The following RABGAP1L variants were observed in gnomAD, a reference collection of about 807,000 sequenced individuals.
RABGAP1L encodes RAB GTPase activating protein 1 like.
Under a neutral mutation model 137.7 loss-of-function variants are expected in RABGAP1L, and 63 were observed. The observed-to-expected ratio is 0.46, with a 90% CI of 0.37 to 0.56. The LOEUF (loss-of-function observed/expected upper bound fraction) is 0.56. RABGAP1L is among the 20% of genes least tolerant of loss of function. The pLI is 0.00. For synonymous variants in RABGAP1L, 431 were observed against 433.7 expected (o/e 0.99, Z 0.08); for missense variants, 1,095 against 1,244.0 (o/e 0.88, Z 1.80).
chr1:174,475,873 C>T (rs1285560985), intron 13 of RABGAP1L, among the ~76,000 whole-genome samples: 2 of 149,736 alleles, frequency 1.3e-5, no homozygotes, highest in Admixed American at 6.7e-5. Flanking sequence ...AACCTAAATT[C>T]GCAATGTTAG....
Position 174,615,541 on chromosome 1 carries a change from G to A in RABGAP1L, c.1711-21834G>A, listed in dbSNP as rs376358123. On this transcript the variant is annotated intron_variant, in intron 13 of 25. Coordinates refer to ENST00000681986, the MANE Select transcript of RABGAP1L (RefSeq NM_001366446.1). ...GGGGTCAGGGGTCAGGGACCCAATTGAGGAGGCATTCTGTCCATTCTCAGA... is the reference window on the plus strand; with the variant it reads ...GGGGTCAGGGGTCAGGGACCCAATTAAGGAGGCATTCTGTCCATTCTCAGA... Among the ~76,000 whole-genome samples, 8 of 152,326 alleles carry A rather than the reference G, an allele frequency of 5.3e-5. No homozygotes were observed. In the East Asian group the frequency reaches 1.5e-3, roughly 29 times the overall value.
At chr1:174,516,215 G>T (rs1572133071) in intron 13 of RABGAP1L, among the ~76,000 whole-genome samples, 1 of 150,336 alleles carries the variant, frequency 6.7e-6, no homozygotes, top group East Asian at 2.0e-4. Flanking sequence ...GTGCAGAGTG[G>T]CACAATCACA....
chr1:174,448,748 G>T lies in RABGAP1L; in HGVS notation c.1710+54603G>T. On this transcript the variant is annotated intron_variant, in intron 13 of 25. Transcript: ENST00000681986. The surrounding 1 kb of genome is among the most constrained non-coding windows in gnomAD (Gnocchi z 4.2). ...TGGCTTTATTGTTTGTTTACTTTAT[G>T]CTCCTGCTGCCTTTGTTGTCTGCTT... 1 of 1,613,714 alleles carries T rather than the reference G, an allele frequency of 6.2e-7. No homozygotes were observed. Among genetic ancestry groups the T allele is most frequent in the Admixed American group, 1.7e-5 (1 of 59,966 alleles).
Position 174,826,513 on chromosome 1 carries a change from C to T in RABGAP1L, c.2340+14553C>T, listed in dbSNP as rs1006306292. Among the ~76,000 whole-genome samples, 140 of 152,260 alleles carry T rather than the reference C, an allele frequency of 9.2e-4. 1 individual carries two copies. The highest frequency in any genetic ancestry group is 2.6e-3 in the African/African-American group (106 of 41,562). ...CTGAGATTACAAGCGTGAGCCACCA[C>T]GCCCGGCCACCACATTTTCTTTATC... On this transcript the variant is annotated intron_variant, in intron 19 of 25. Transcript: ENST00000681986.
intron 1 of RABGAP1L, among the ~76,000 whole-genome samples, chr1:174,187,145 C>G (rs1351076261): frequency 6.6e-6 from 1 of 152,094 alleles, no homozygotes; most frequent in African/African-American, 2.4e-5. Flanking sequence ...GGTCTCTTCT[C>G]AAATGTTCTG....
intron 12 of RABGAP1L, among the ~76,000 whole-genome samples, chr1:174,381,677 G>A (rs1400194892): frequency 2.5e-5 from 3 of 118,626 alleles, no homozygotes; most frequent in Admixed American, 1.6e-4. Context: ...TTGAGCCTAT[G>A]TATGTCTCTG....
intron 17 of RABGAP1L, among the ~76,000 whole-genome samples, chr1:174,728,901 A>C (rs547700421): frequency 6.6e-6 from 1 of 152,230 alleles, no homozygotes; most frequent in South Asian, 2.1e-4. Context: ...TCAGCCTCCC[A>C]AAATACTGGG....
At chr1:174,625,686 G>A (rs530023102) in intron 13 of RABGAP1L, among the ~76,000 whole-genome samples, 26 of 152,330 alleles carry the variant, frequency 1.7e-4, no homozygotes, top group Admixed American at 9.1e-4. Flanking sequence ...GATTGAGGAA[G>A]TGGTAGAATG....
chr1:174,257,070 C>T (rs574564270), intron 7 of RABGAP1L, among the ~76,000 whole-genome samples: 2 of 152,116 alleles, frequency 1.3e-5, no homozygotes, highest in Non-Finnish European at 2.9e-5. Flanking sequence ...ATATAATTGA[C>T]TGAAGTACCT....
At chr1:174,892,363 G>T in intron 19 of RABGAP1L, 1 of 362,824 alleles carries the variant, frequency 2.8e-6, no homozygotes, top group East Asian at 7.9e-5. Flanking sequence ...GAGAGTCAGA[G>T]GGAGAAATTA....
At chr1:174,637,252 G>T (rs1412745131) in intron 13 of RABGAP1L, 123 bp from the exon 14 acceptor site, 1 of 659,630 alleles carries the variant, frequency 1.5e-6, no homozygotes, top group Non-Finnish European at 2.6e-6. Flanking sequence ...GGATAGAAGG[G>T]AAGTTTTTAT....
At chr1:174,723,613 A>G (rs1043909947) in intron 17 of RABGAP1L, among the ~76,000 whole-genome samples, 2 of 152,160 alleles carry the variant, frequency 1.3e-5, no homozygotes, top group African/African-American at 4.8e-5. Flanking sequence ...AGTGTGTATT[A>G]TGTATCTAGT....
Position 174,250,607 on chromosome 1 carries a change from G to C in RABGAP1L, c.850G>C (p.Glu284Gln), listed in dbSNP as rs753069487. The C allele has an allele frequency of 6.2e-7, 1 of 1,612,848 alleles. No individual in the cohort carries two copies. The highest frequency in any genetic ancestry group is 1.7e-5 in the Admixed American group (1 of 59,702). The change falls in exon 6 of 26, where the codon GAA becomes CAA. Residue 284 changes from glutamate (E) to glutamine (Q), a missense_variant. Glu to Gln is a conservative substitution (Grantham distance 29). Transcript: ENST00000681986. Reference sequence around the variant, plus strand: ...CTTCAGTGTCTCCTTGGAGGTAAAAGAAGACGATGGAAAAGGAAACTTTAG... The same window carrying C: ...CTTCAGTGTCTCCTTGGAGGTAAAACAAGACGATGGAAAAGGAAACTTTAG... ...FTFSVSLEVK[E>Q]DDGKGNFSPV...
At chr1:174,651,218 G>A (rs377357093) in intron 14 of RABGAP1L, among the ~76,000 whole-genome samples, 4 of 151,610 alleles carry the variant, frequency 2.6e-5, no homozygotes, top group Non-Finnish European at 4.4e-5. Flanking sequence ...TATAATTTCT[G>A]TTCTTTTACA....
chr1:174,680,518 C>G (rs530107898), intron 14 of RABGAP1L, among the ~76,000 whole-genome samples: 10 of 152,126 alleles, frequency 6.6e-5, no homozygotes, highest in Non-Finnish European at 1.3e-4. Context: ...CTGTGGTATT[C>G]TGGTTATAGC....
At chr1:174,387,968 A>G (rs1686937868) in intron 12 of RABGAP1L, among the ~76,000 whole-genome samples, 2 of 152,124 alleles carry the variant, frequency 1.3e-5, no homozygotes, top group Admixed American at 6.5e-5. Flanking sequence ...AGTATAAACT[A>G]CTATGTCTTT....
intron 13 of RABGAP1L, among the ~76,000 whole-genome samples, chr1:174,589,485 T>C (rs547230678): frequency 4.8e-4 from 73 of 152,320 alleles, no homozygotes; most frequent in African/African-American, 1.6e-3. Context: ...TGTCCATTTT[T>C]TCTTTGGTTG....
intron 19 of RABGAP1L, among the ~76,000 whole-genome samples, chr1:174,833,408 G>GTGTGTATA (rs754029582): frequency 3.0e-5 from 2 of 67,614 alleles, no homozygotes; most frequent in African/African-American, 8.2e-5. Context: ...GTGTATGTGT[G>GTGTGTATA]TATGTGTGTG....
At chr1:174,596,987 G>C (rs535320033) in intron 13 of RABGAP1L, among the ~76,000 whole-genome samples, 2 of 151,940 alleles carry the variant, frequency 1.3e-5, no homozygotes, top group Non-Finnish European at 2.9e-5. Context: ...TATGGTCTAC[G>C]TCCTTCATTC....
Sources: gnomAD v4.1 joint callset for allele counts (sites outside exome capture counted in the v4.1 genomes callset) on GRCh38, gnomAD v4.1.1 for gene constraint, Gnocchi (gnomAD v3.1) non-coding constraint, MANE v1.5 for transcripts, NCBI Gene and HGNC (gene_info 2026-07-23, HGNC 2026-07-21) for gene names.